Variants in PSMA1 observed in about 807,000 individuals in gnomAD.
PSMA1 encodes the protein proteasome subunit alpha type-1.
In PSMA1, 3 loss-of-function variants were observed where a neutral mutation model predicts 38.4. The observed-to-expected ratio is 0.08, with a 90% CI of 0.04 to 0.20. The LOEUF (loss-of-function observed/expected upper bound fraction) is 0.20. Among genes scored for constraint, PSMA1 ranks in the 10% least tolerant of loss-of-function variants. The pLI is 1.00. For missense variants in PSMA1, 227 were observed against 325.3 expected (o/e 0.70, Z 2.32); for synonymous variants, 101 against 107.1 (o/e 0.94, Z 0.35).
intron 2 of PSMA1, among the ~76,000 whole-genome samples, chr11:14,590,031 C>G (rs1852392249): frequency 6.6e-6 from 1 of 152,178 alleles, no homozygotes. Flanking sequence ...GGAGGAAGTT[C>G]TGATGCATGC....
intron 2 of PSMA1, among the ~76,000 whole-genome samples, chr11:14,601,815 C>T (rs144668417): frequency 1.1e-3 from 172 of 152,280 alleles, no homozygotes; most frequent in African/African-American, 4.0e-3. Context: ...ACTCTCAATA[C>T]CTATGTACAT....
Position 14,598,630 on chromosome 11 carries a change from G to A in PSMA1, c.21+12336C>T, listed in dbSNP as rs930370927. On this transcript the variant is annotated intron_variant, in intron 2 of 10. Coordinates refer to the PSMA1 transcript ENST00000418988. The stretch of plus-strand genomic sequence containing the variant: ...CCTCCTTCCCTTATTTTGAGCCTAC[G>A]TATGTCTCTGCACATAAGATGGGTC... Among the ~76,000 whole-genome samples, 26 of 147,564 alleles carry A rather than the reference G, an allele frequency of 1.8e-4. 1 individual carries two copies. The highest frequency in any genetic ancestry group is 1.2e-3 in the Admixed American group (17 of 14,638).
At chr11:14,636,178 A>C (rs1853110891) in intron 1 of PSMA1, among the ~76,000 whole-genome samples, 1 of 152,166 alleles carries the variant, frequency 6.6e-6, no homozygotes, top group Admixed American at 6.5e-5. Flanking sequence ...AATAAGTGTT[A>C]ATTCATTCCT....
intron 5 of PSMA1, 77 bp downstream of exon 5, chr11:14,514,326 T>A: frequency 6.8e-7 from 1 of 1,468,156 alleles, no homozygotes; most frequent in Non-Finnish European, 9.0e-7. Context: ...CATATTATTA[T>A]TATATTCCTA....
At chr11:14,603,755 G>A (rs1852611999) in intron 2 of PSMA1, among the ~76,000 whole-genome samples, 1 of 152,138 alleles carries the variant, frequency 6.6e-6, no homozygotes. Context: ...ACAAATTCAA[G>A]AAACAAATTA....
intron 1 of PSMA1, among the ~76,000 whole-genome samples, chr11:14,633,823 CG>C (rs769216939): frequency 9.9e-5 from 15 of 152,148 alleles, no homozygotes; most frequent in Admixed American, 4.6e-4. Flanking sequence ...GAGCCAGGTG[CG>C]GGATATAATC....
intron 4 of PSMA1, among the ~76,000 whole-genome samples, chr11:14,515,570 TA>T (rs1201611092): frequency 3.9e-4 from 59 of 151,812 alleles, no homozygotes; most frequent in Non-Finnish European, 7.1e-4. Flanking sequence ...TTTTTTTTTT[TA>T]ATACTGAGTT....
At chr11:14,553,916 A>G (rs1341128787) in intron 2 of PSMA1, among the ~76,000 whole-genome samples, 1 of 152,174 alleles carries the variant, frequency 6.6e-6, no homozygotes, top group Non-Finnish European at 1.5e-5. Flanking sequence ...CAGAGTGGCT[A>G]TACCATTTTA....
chr11:14,547,577 A>T (rs1851839401), intron 2 of PSMA1, among the ~76,000 whole-genome samples: 1 of 152,086 alleles, frequency 6.6e-6, no homozygotes. Context: ...CCAGAGCAAA[A>T]TCATCATTCA....
intron 2 of PSMA1, among the ~76,000 whole-genome samples, chr11:14,604,231 TTTG>T (rs1852616982): frequency 6.6e-6 from 1 of 152,150 alleles, no homozygotes; most frequent in African/African-American, 2.4e-5. Flanking sequence ...GGCTAATTTT[TTTG>T]TATTTTTAGT....
intron 2 of PSMA1, among the ~76,000 whole-genome samples, chr11:14,569,480 C>T (rs192936271): frequency 1.4e-3 from 210 of 152,262 alleles, no homozygotes; most frequent in African/African-American, 4.2e-3. Flanking sequence ...CCATGACAGA[C>T]GGTACCTGGA....
intron 2 of PSMA1, among the ~76,000 whole-genome samples, chr11:14,541,423 C>T (rs1056454881): frequency 3.3e-5 from 5 of 152,190 alleles, no homozygotes; most frequent in African/African-American, 4.8e-5. Context: ...TTTGTGCAGG[C>T]GCACACAGAA....
intron 2 of PSMA1, among the ~76,000 whole-genome samples, chr11:14,561,244 C>G (rs549678552): frequency 6.6e-6 from 1 of 152,294 alleles, no homozygotes; most frequent in Non-Finnish European, 1.5e-5. Context: ...TGGCATTTTC[C>G]TTCACCATGC....
chr11:14,553,223 C>A (rs150799751), intron 2 of PSMA1, among the ~76,000 whole-genome samples: 1 of 151,824 alleles, frequency 6.6e-6, no homozygotes, highest in South Asian at 2.1e-4. Flanking sequence ...TTCTGTGTAC[C>A]CTTTATCCTG....
intron 2 of PSMA1, among the ~76,000 whole-genome samples, chr11:14,545,203 A>G (rs781106508): frequency 2.5e-4 from 38 of 152,260 alleles, no homozygotes; most frequent in Middle Eastern, 3.2e-3. Context: ...AATAAAACAC[A>G]TAAGAATCCA....
intron 2 of PSMA1, among the ~76,000 whole-genome samples, chr11:14,528,090 G>A (rs1196475858): frequency 4.0e-5 from 6 of 149,960 alleles, no homozygotes; most frequent in Admixed American, 2.0e-4. Flanking sequence ...CTGAGGCCTC[G>A]ACTTACTACT....
intron 1 of PSMA1, among the ~76,000 whole-genome samples, chr11:14,615,842 AG>A (rs758173745): frequency 4.2e-4 from 64 of 152,276 alleles, no homozygotes; most frequent in Non-Finnish European, 6.5e-4. Context: ...ATCTGAATCC[AG>A]GGAAAGAATC....
chr11:14,512,955 T>C (rs1303920517), intron 7 of PSMA1, among the ~76,000 whole-genome samples: 1 of 152,204 alleles, frequency 6.6e-6, no homozygotes, highest in Non-Finnish European at 1.5e-5. Flanking sequence ...TTGAGTAATG[T>C]CAATTAAACT....
chr11:14,538,911 A>C (rs1565039973), intron 2 of PSMA1, among the ~76,000 whole-genome samples: 1 of 152,256 alleles, frequency 6.6e-6, no homozygotes, highest in African/African-American at 2.4e-5. Context: ...GACAAGACTT[A>C]CATTTAGCAA....
Sources: allele counts gnomAD v4.1 joint callset (sites outside exome capture counted in the v4.1 genomes callset), GRCh38; gene constraint gnomAD v4.1.1; transcripts MANE v1.5; gene names NCBI Gene and HGNC (gene_info 2026-07-23, HGNC 2026-07-21).